The following TJP2 variants were observed in gnomAD, a reference collection of about 807,000 sequenced individuals.
The protein encoded by TJP2 is Friedreich ataxia region gene X104 (tight junction protein ZO-2).
Under a neutral mutation model 133.1 loss-of-function variants are expected in TJP2, and 91 were observed. That is an observed-to-expected ratio of 0.68 (90% CI 0.58 to 0.81). The LOEUF (loss-of-function observed/expected upper bound fraction) is 0.81, where lower values mean the gene tolerates loss of function less well. TJP2 is among the 40% of genes least tolerant of loss of function. The pLI, the probability that TJP2 is intolerant of heterozygous loss-of-function variation, is 0.00. For synonymous variants in TJP2, 592 were observed against 583.4 expected (o/e 1.01, Z -0.21); for missense variants, 1,541 against 1,565.6 (o/e 0.98, Z 0.26).
intron 1 of TJP2, among the ~76,000 whole-genome samples, chr9:69,147,602 A>G (rs1209288462): frequency 2.0e-5 from 3 of 152,190 alleles, no homozygotes; most frequent in South Asian, 2.1e-4. Context: ...ACAAGCTCCC[A>G]TGATTCAGAT....
intron 5 of TJP2, among the ~76,000 whole-genome samples, chr9:69,223,285 G>A (rs936553097): frequency 5.1e-5 from 5 of 97,914 alleles, no homozygotes; most frequent in African/African-American, 1.5e-4. Context: ...AGGAGGCTTC[G>A]TTTCTGTTTT....
chr9:69,179,834 A>G (rs573718540), intron 1 of TJP2, among the ~76,000 whole-genome samples: 108 of 152,234 alleles, frequency 7.1e-4, no homozygotes, highest in Non-Finnish European at 1.2e-3. Context: ...CCATGAATCA[A>G]ATATTTGTGT....
intron 20 of TJP2, chr9:69,249,792 C>T (rs1831198309): frequency 1.0e-6 from 1 of 972,236 alleles, no homozygotes; most frequent in Non-Finnish European, 1.2e-6. Context: ...TACTGTATAC[C>T]CAGAATCACC....
chr9:69,204,803 G>A (rs1827269027), intron 1 of TJP2: 2 of 1,053,124 alleles, frequency 1.9e-6, no homozygotes, highest in African/African-American at 1.7e-5. Context: ...TTTCCATAAT[G>A]TTGCTCTAAA....
intron 2 of TJP2, among the ~76,000 whole-genome samples, chr9:69,159,495 T>C (rs1387380893): frequency 6.6e-6 from 1 of 152,242 alleles, no homozygotes; most frequent in Non-Finnish European, 1.5e-5. Flanking sequence ...CTTAAAATAA[T>C]TAACTCTGTC....
At chr9:69,202,806 A>G (rs1827092575) in intron 1 of TJP2, among the ~76,000 whole-genome samples, 2 of 152,140 alleles carry the variant, frequency 1.3e-5, no homozygotes, top group South Asian at 2.1e-4. Context: ...CACACTCTGT[A>G]TAACTTTTAT....
chr9:69,225,875 G>A (rs747740882), intron 6 of TJP2, 147 bp from the exon 7 acceptor site: 46 of 825,774 alleles, frequency 5.6e-5, no homozygotes, highest in Non-Finnish European at 8.0e-5. Flanking sequence ...TAATTTAAAC[G>A]ACAATTCATT....
intron 2 of TJP2, among the ~76,000 whole-genome samples, chr9:69,153,272 C>T (rs1230663768): frequency 2.0e-5 from 3 of 151,990 alleles, no homozygotes; most frequent in African/African-American, 7.2e-5. Flanking sequence ...AGACAGATAC[C>T]TGCTCAGACT....
chr9:69,200,845 C>G (rs1826934784), intron 1 of TJP2, among the ~76,000 whole-genome samples: 1 of 152,164 alleles, frequency 6.6e-6, no homozygotes, highest in African/African-American at 2.4e-5. Context: ...GAGAGCTGTT[C>G]AGATTTTCCT....
chr9:69,141,028 T>A (rs1442881679), intron 1 of TJP2, among the ~76,000 whole-genome samples: 1 of 152,064 alleles, frequency 6.6e-6, no homozygotes. Flanking sequence ...TGTATTTTTT[T>A]AGTAGAGATG....
At chr9:69,172,585 A>G (rs776703179), upstream of TJP2, among the ~76,000 whole-genome samples, 1 of 152,232 alleles carries the variant, frequency 6.6e-6, no homozygotes, top group African/African-American at 2.4e-5. Context: ...CAGTCAGTAG[A>G]TGTAACTGCC....
chr9:69,140,128 G>A (rs1822952033), intron 1 of TJP2, among the ~76,000 whole-genome samples: 1 of 152,196 alleles, frequency 6.6e-6, no homozygotes, highest in Non-Finnish European at 1.5e-5. Context: ...AAGTATGTGA[G>A]AGGGCAGAAT....
At chr9:69,218,616 C>G (rs1198478668) in intron 4 of TJP2, 1 of 491,444 alleles carries the variant, frequency 2.0e-6, no homozygotes, top group Non-Finnish European at 3.7e-6. Flanking sequence ...CAATTATTCC[C>G]TAAGAGAATT....
At chr9:69,194,689 A>G (rs1307113258) in intron 1 of TJP2, among the ~76,000 whole-genome samples, 1 of 152,118 alleles carries the variant, frequency 6.6e-6, no homozygotes, top group Non-Finnish European at 1.5e-5. Flanking sequence ...CTTCTCAAAC[A>G]TTATTTTCCC....
At chr9:69,193,131 G>T (rs895620847) in intron 1 of TJP2, among the ~76,000 whole-genome samples, 2 of 152,000 alleles carry the variant, frequency 1.3e-5, no homozygotes, top group African/African-American at 4.8e-5. Flanking sequence ...GCCCAGGCTG[G>T]TCTTGAACTC....
intron 11 of TJP2, among the ~76,000 whole-genome samples, chr9:69,233,601 T>C (rs1233015478): frequency 6.6e-6 from 1 of 152,090 alleles, no homozygotes; most frequent in East Asian, 1.9e-4. Flanking sequence ...GGTGAAACCT[T>C]GTCTCTACTG....
chr9:69,132,092 C>T (rs988081593), intron 1 of TJP2, among the ~76,000 whole-genome samples: 2 of 152,236 alleles, frequency 1.3e-5, no homozygotes, highest in Non-Finnish European at 2.9e-5. Context: ...CTAGTTGTGA[C>T]CACACATGTG....
chr9:69,201,050 G>A (rs59541686), intron 1 of TJP2, among the ~76,000 whole-genome samples: 10,045 of 152,180 alleles, frequency 0.066, 445 homozygotes, highest in East Asian at 0.23. Flanking sequence ...CCTCTTGGTG[G>A]GCTCTTGTAC....
intron 2 of TJP2, among the ~76,000 whole-genome samples, chr9:69,213,055 A>ATTT (rs551659577): frequency 9.5e-4 from 73 of 76,542 alleles, no homozygotes; most frequent in Non-Finnish European, 1.1e-3. Context: ...GTGGTTCTGC[A>ATTT]TTTTTTTTTT....
Sources: allele counts gnomAD v4.1 joint callset (sites outside exome capture counted in the v4.1 genomes callset), GRCh38; gene constraint gnomAD v4.1.1; transcripts MANE v1.5; gene names NCBI Gene and HGNC (gene_info 2026-07-23, HGNC 2026-07-21).